Variants in KRT86 observed in about 807,000 individuals in gnomAD.
The protein encoded by KRT86 is keratin, type II cuticular Hb6.
KRT86 carries 30 observed loss-of-function variants against 41.2 expected under a neutral mutation model. That is an observed-to-expected ratio of 0.73 (90% CI 0.54 to 0.99). The LOEUF is 0.99. Ranked by LOEUF, KRT86 falls within the 50% of genes least tolerant of loss-of-function variation. KRT86 has a pLI of 0.00. For missense variants in KRT86, 561 were observed against 571.4 expected (o/e 0.98, Z 0.19); for synonymous variants, 238 against 238.1 (o/e 1.00, Z 0.00).
At position 52,287,469 on chromosome 12, in the gene KRT86, G is replaced by T; in HGVS notation, c.-5+11523G>T. The T allele has an allele frequency of 1.9e-6, 3 of 1,587,034 alleles. No individual in the cohort carries two copies. The South Asian group carries it at 3.4e-5, about 18-fold the overall frequency. ...CACCTGGGACTCATTGAGAGACCAC[G>T]ACCAGGGACTCTACATGGACAAAGG... On this transcript the variant is annotated intron_variant, in intron 2 of 10. Coordinates refer to ENST00000423955, the MANE Select transcript of KRT86 (RefSeq NM_001320198.2).
chr12:52,299,841 G>A (rs182330828), intron 2 of KRT86, among the ~76,000 whole-genome samples: 3 of 152,234 alleles, frequency 2.0e-5, no homozygotes, highest in East Asian at 1.9e-4. Flanking sequence ...TTGCAGCTAC[G>A]AATTCCTTGT....
intron 2 of KRT86, among the ~76,000 whole-genome samples, chr12:52,280,205 G>A (rs928561164): frequency 6.6e-6 from 1 of 152,218 alleles, no homozygotes; most frequent in Non-Finnish European, 1.5e-5. Context: ...ATTGTGGGCT[G>A]TGAAATCAGA....
chr12:52,306,396 G>A lies in KRT86; in HGVS notation c.1247+116G>A, dbSNP rs1455038449. 8 of 1,516,750 alleles carry A rather than the reference G, an allele frequency of 5.3e-6. No homozygotes were observed. The Admixed American group carries it at 1.4e-4, about 27-fold the overall frequency. 94.0% of individuals were successfully genotyped at this position (1,516,750 alleles called of 1,614,324 possible). A position where few individuals can be genotyped will look rare whatever the true frequency, so the allele number is the denominator to read the frequency against. On this transcript the variant is annotated intron_variant, in intron 9 of 10. Coordinates refer to ENST00000423955, the MANE Select transcript of KRT86 (RefSeq NM_001320198.2). ...TCTTAACCTCCCCACCCTGCAACCA[G>A]ACAGGTAATTTGTGTAAGTCCTTTA...
chr12:52,277,087 A>AT (rs767446128), intron 2 of KRT86, among the ~76,000 whole-genome samples: 2 of 152,008 alleles, frequency 1.3e-5, no homozygotes, highest in Non-Finnish European at 2.9e-5. Flanking sequence ...AGGTCTTATT[A>AT]TTTTTCCTCC....
chr12:52,276,521 C>T (rs191390091), intron 2 of KRT86, among the ~76,000 whole-genome samples: 57 of 152,300 alleles, frequency 3.7e-4, no homozygotes, highest in Non-Finnish European at 5.9e-4. Context: ...GTCCTGGCTG[C>T]AAGTTATTAT....
intron 2 of KRT86, among the ~76,000 whole-genome samples, chr12:52,285,533 G>A (rs755185823): frequency 2.6e-5 from 4 of 152,190 alleles, no homozygotes; most frequent in Non-Finnish European, 5.9e-5. Context: ...TGATTTTCAT[G>A]ATCCATCAGT....
rs746441144 is a variant in KRT86, at chr12:52,287,273, G to A, written c.-5+11327G>A. The A allele has an allele frequency of 6.2e-6, 10 of 1,613,942 alleles. No individual in the cohort carries two copies. In the East Asian group the frequency reaches 1.8e-4, roughly 29 times the overall value. ...CTTGCAGCGGGCATCACTGAGGGCC[G>A]CCTCACCCTGCTGCTCAGACTGGGC... On this transcript the variant is annotated intron_variant, in intron 2 of 10. Transcript: ENST00000423955.
intron 9 of KRT86, 108 bp from the exon 10 acceptor site, chr12:52,308,125 C>T (rs1286055149): frequency 1.5e-5 from 22 of 1,464,334 alleles, no homozygotes; most frequent in Non-Finnish European, 2.0e-5. Flanking sequence ...TTGCCCCTTC[C>T]CTTGGGCAAG....
intron 2 of KRT86, among the ~76,000 whole-genome samples, chr12:52,283,885 C>T (rs574632085): frequency 5.9e-5 from 9 of 152,234 alleles, no homozygotes; most frequent in South Asian, 2.1e-4. Flanking sequence ...ATTCTGCACC[C>T]GGGGCATTAT....
In KRT86 at chr12:52,275,919, G is replaced by A. The variant is rs11834151; in HGVS notation, c.-32G>A. 6.5e-5 allele frequency: 64 copies of A among 986,022 alleles called. No individual in the cohort carries two copies. In the African/African-American group the frequency reaches 8.2e-4, roughly 13 times the overall value. The allele number at this position is 986,022 out of a possible 1,614,324, so 61.1% of individuals were successfully genotyped here. ...TTAATCAGGCCATCCAGTGGCTGAC[G>A]GTGGAGGTGGGCAGTGCTGAGAGTC... is the stretch of plus-strand genomic sequence containing the variant. On this transcript the variant is annotated 5_prime_UTR_variant, in exon 2 of 11. Transcript: ENST00000423955.
chr12:52,304,933 A>G lies in KRT86; in HGVS notation c.641A>G (p.Asp214Gly), dbSNP rs56677856. Residue 214 changes from aspartate to glycine, a missense_variant and splice_region_variant, in exon 6 of 11, where the codon GAT becomes GGT. Transcript: ENST00000423955. The stretch of plus-strand genomic sequence containing the variant: ...CTCCAACACTCCCCACCTTTCCAGG[A>G]TGTGGACTGCGCCTACCTCCGCAAA... ...AENEFVALKK[D>G]VDCAYLRKSD... 4,545 of 1,614,038 alleles carry G rather than the reference A, an allele frequency of 2.8e-3. 111 individuals are homozygous for G. In the African/African-American group the frequency reaches 0.052, roughly 18 times the overall value.
At position 52,308,743 on chromosome 12, in the gene KRT86, C is replaced by T; in HGVS notation, c.*158C>T. 1.4e-6 allele frequency: 1 copy of T among 691,300 alleles called. No homozygotes were observed. The allele number at this position is 691,300 out of a possible 1,614,324, so 42.8% of individuals were successfully genotyped here. On this transcript the variant is annotated 3_prime_UTR_variant, in exon 11 of 11. Transcript: ENST00000423955. ...CACCGCTCCGCTCCGGGAGCCATCC[C>T]CGGTCGCAGGAGTCCGGGGAGGGCC...
At chr12:52,304,668 G>C (rs1233794616) in intron 5 of KRT86, among the ~76,000 whole-genome samples, 2 of 151,780 alleles carry the variant, frequency 1.3e-5, no homozygotes, top group South Asian at 2.1e-4. Context: ...AGGCTTCCTG[G>C]AGCAGGAGAG....
chr12:52,288,910 A>G (rs1185290746), intron 2 of KRT86, among the ~76,000 whole-genome samples: 3 of 150,250 alleles, frequency 2.0e-5, no homozygotes, highest in Admixed American at 6.6e-5. Context: ...CAGCAGAGAC[A>G]TTGTATCTGC....
rs1938525064 is a variant in KRT86, at chr12:52,306,574, G to A, written c.1247+294G>A. 4.0e-5 allele frequency: 22 copies of A among 543,590 alleles called. No individual in the cohort carries two copies. In the South Asian group the frequency reaches 4.7e-4, roughly 12 times the overall value. The allele number at this position is 543,590 out of a possible 1,614,324, so 33.7% of individuals were successfully genotyped here. On this transcript the variant is annotated intron_variant, in intron 9 of 10. Coordinates refer to ENST00000423955, the MANE Select transcript of KRT86 (RefSeq NM_001320198.2). ...TAAGGCTTGGGGTCAGCTTGCCTGGGTAGTGCTTCTTCCCTTCCAGCTGTA... is the reference window on the plus strand; with the variant it reads ...TAAGGCTTGGGGTCAGCTTGCCTGGATAGTGCTTCTTCCCTTCCAGCTGTA...
intron 2 of KRT86, among the ~76,000 whole-genome samples, chr12:52,278,302 A>G (rs532099627): frequency 1.3e-5 from 2 of 152,266 alleles, no homozygotes; most frequent in South Asian, 4.2e-4. Flanking sequence ...AGTTTCAGAG[A>G]GGTTAAGTGA....
intron 2 of KRT86, among the ~76,000 whole-genome samples, chr12:52,278,491 A>C (rs1235908988): frequency 1.3e-5 from 2 of 151,194 alleles, no homozygotes; most frequent in African/African-American, 2.4e-5. Context: ...TCATCAACAA[A>C]AGTGAGTTAT....
intron 2 of KRT86, among the ~76,000 whole-genome samples, chr12:52,298,509 T>TCAG (rs1226788866): frequency 6.6e-6 from 1 of 152,186 alleles, no homozygotes; most frequent in Non-Finnish European, 1.5e-5. Flanking sequence ...AGCAGCAGCA[T>TCAG]CAGCAGCAAC....
At chr12:52,307,175 C>T (rs954799483) in intron 9 of KRT86, 1 of 152,148 alleles carries the variant, frequency 6.6e-6, no homozygotes. Context: ...ACTAAAGTGA[C>T]CATATGACGA....
Sources: gnomAD v4.1 joint callset for allele counts (sites outside exome capture counted in the v4.1 genomes callset) on GRCh38, gnomAD v4.1.1 for gene constraint, MANE v1.5 for transcripts, NCBI Gene and HGNC (gene_info 2026-07-23, HGNC 2026-07-21) for gene names.